The following CD300A variants were observed in gnomAD, a reference collection of about 807,000 sequenced individuals.
The protein encoded by CD300A is CMRF35-like molecule 8.
Under a neutral mutation model 33.6 loss-of-function variants are expected in CD300A, and 22 were observed. That is an observed-to-expected ratio of 0.66 (90% confidence interval 0.47 to 0.94). The LOEUF (loss-of-function observed/expected upper bound fraction) is 0.94, where lower values mean the gene tolerates loss of function less well. CD300A is among the 40% of genes least tolerant of loss of function. The pLI is 0.00. For missense variants in CD300A, 326 were observed against 360.5 expected (o/e 0.90, Z 0.77); for synonymous variants, 136 against 148.1 (o/e 0.92, Z 0.59).
chr17:74,466,601 A>G (rs1905719486), upstream of CD300A: 1 of 1,316,986 alleles, frequency 7.6e-7, no homozygotes, highest in East Asian at 2.5e-5. Context: ...GCAGCGCGGC[A>G]CCAAGAAAAG....
chr17:74,484,370 C>T lies in CD300A; in HGVS notation c.*244C>T, dbSNP rs571464033. 3.8e-5 allele frequency: 15 copies of T among 390,028 alleles called. No individual in the cohort carries two copies. In the South Asian group the frequency reaches 4.5e-4, roughly 12 times the overall value. 24.2% of individuals were successfully genotyped at this position (390,028 alleles called of 1,614,324 possible). A position where few individuals can be genotyped will look rare whatever the true frequency, so the allele number is the denominator to read the frequency against. On this transcript the variant is annotated 3_prime_UTR_variant, in exon 7 of 7. Coordinates refer to ENST00000360141, the MANE Select transcript of CD300A (RefSeq NM_007261.4). ...TCCCAGCCACCAGTGCCTGTCACCTCTTTCCCCTTTGCCCCTGCTTCATCC... is the reference window on the plus strand; with the variant it reads ...TCCCAGCCACCAGTGCCTGTCACCTTTTTCCCCTTTGCCCCTGCTTCATCC...
chr17:74,467,061 G>A lies in CD300A; in HGVS notation c.40+318G>A, dbSNP rs571580820. On this transcript the variant is annotated intron_variant, in intron 1 of 6. Coordinates refer to ENST00000360141, the MANE Select transcript of CD300A (RefSeq NM_007261.4). ...TTACAGGAAGGGGGACGAGAGGCAG[G>A]ATGTGTCAGGGTGGGTGGAGAGTGG... 44 of 1,180,960 alleles carry A rather than the reference G, an allele frequency of 3.7e-5. No homozygotes were observed. In the African/African-American group the frequency reaches 6.3e-4, roughly 17 times the overall value. 73.2% of individuals were successfully genotyped at this position (1,180,960 alleles called of 1,614,324 possible).
In CD300A at chr17:74,480,005, A is replaced by T. The variant is rs979766425; in HGVS notation, c.629-1284A>T. Among the ~76,000 whole-genome samples the T allele has an allele frequency of 2.0e-5, 3 of 152,006 alleles. No homozygotes were observed. Among genetic ancestry groups the T allele is most frequent in the African/African-American group, 4.8e-5 (2 of 41,394 alleles). ...AGCTTCCCCTACCGCTGGCTCCCCCAAACCTTCTCACTACCACCCTCCTTC... is the reference window on the plus strand; with the variant it reads ...AGCTTCCCCTACCGCTGGCTCCCCCTAACCTTCTCACTACCACCCTCCTTC... On this transcript the variant is annotated intron_variant, in intron 4 of 6. Coordinates refer to ENST00000360141, the MANE Select transcript of CD300A (RefSeq NM_007261.4). This position sits in a 1 kb window ranked among gnomAD's most constrained non-coding sequence, Gnocchi z 4.2.
At chr17:74,476,725 T>C (rs574214464) in intron 3 of CD300A, among the ~76,000 whole-genome samples, 93 of 152,318 alleles carry the variant, frequency 6.1e-4, no homozygotes, top group African/African-American at 2.2e-3. Flanking sequence ...GAAATGCCCA[T>C]TCAGTGGGAA....
intron 4 of CD300A, 36 bp from the exon 5 acceptor site, chr17:74,481,253 C>T (rs370615664): frequency 5.4e-5 from 87 of 1,610,592 alleles, no homozygotes; most frequent in Admixed American, 1.8e-4. Flanking sequence ...GCCATTGTTC[C>T]GGGATTCAAC....
At chr17:74,483,841 G>C (rs1598112591) in intron 6 of CD300A, among the ~76,000 whole-genome samples, 160 bp from the exon 7 acceptor site, 1 of 152,148 alleles carries the variant, frequency 6.6e-6, no homozygotes, top group African/African-American at 2.4e-5. Flanking sequence ...GGAGCAGCTG[G>C]GTGGACAGGA....
intron 1 of CD300A, among the ~76,000 whole-genome samples, chr17:74,468,185 C>T (rs534077811): frequency 5.9e-5 from 9 of 152,120 alleles, no homozygotes; most frequent in East Asian, 1.9e-4. Flanking sequence ...CAGGCATGTA[C>T]CACCATGCCT....
chr17:74,473,980 A>C (rs1906290017), intron 2 of CD300A, 106 bp downstream of exon 2: 1 of 1,209,624 alleles, frequency 8.3e-7, no homozygotes, highest in African/African-American at 1.5e-5. Flanking sequence ...GTGTGTGCGT[A>C]AGAGAGAGAG....
Position 74,484,343 on chromosome 17 carries a change from A to T in CD300A, c.*217A>T. On this transcript the variant is annotated 3_prime_UTR_variant, in exon 7 of 7. Transcript: ENST00000360141. ...GGGGCTCCGGAGAGCAGCAGGAAGC[A>T]CTCCCAGCCACCAGTGCCTGTCACC... is the stretch of plus-strand genomic sequence containing the variant. The T allele has an allele frequency of 2.3e-6, 1 of 437,810 alleles. No homozygotes were observed. Among genetic ancestry groups the T allele is most frequent in the South Asian group, 3.0e-5 (1 of 33,220 alleles). 27.1% of individuals were successfully genotyped at this position (437,810 alleles called of 1,614,324 possible). A position where few individuals can be genotyped will look rare whatever the true frequency, so the allele number is the denominator to read the frequency against.
intron 6 of CD300A, 33 bp from the exon 7 acceptor site, chr17:74,483,968 C>T (rs369631827): frequency 5.6e-6 from 9 of 1,610,626 alleles, no homozygotes; most frequent in Non-Finnish European, 7.6e-6. Flanking sequence ...CTTGCCTCTC[C>T]CAAGTCTTCA....
At position 74,470,194 on chromosome 17, in the gene CD300A, C is replaced by T. The variant is rs546560328; in HGVS notation, c.41-3342C>T. On this transcript the variant is annotated intron_variant, in intron 1 of 6. Coordinates refer to ENST00000360141, the MANE Select transcript of CD300A (RefSeq NM_007261.4). ...GTGATTCAGGTTGGAAGAGAGAAAGCGCAGAAACACAAGCCTGGGAGCACT... is the reference window on the plus strand; with the variant it reads ...GTGATTCAGGTTGGAAGAGAGAAAGTGCAGAAACACAAGCCTGGGAGCACT... The T allele has an allele frequency of 3.1e-4, 305 of 985,384 alleles. 2 individuals carry two copies. The highest frequency in any genetic ancestry group is 1.1e-4 in the East Asian group (1 of 8,818). The allele number at this position is 985,384 out of a possible 1,614,324, so 61.0% of individuals were successfully genotyped here.
intron 4 of CD300A, among the ~76,000 whole-genome samples, chr17:74,478,831 C>T (rs148913640): frequency 2.0e-3 from 309 of 152,288 alleles, no homozygotes; most frequent in African/African-American, 6.6e-3. Flanking sequence ...AGGCTTTTGG[C>T]GGAGAAATCA....
intron 2 of CD300A, among the ~76,000 whole-genome samples, 183 bp from the exon 3 acceptor site, chr17:74,474,349 G>A (rs1189085585): frequency 2.0e-5 from 3 of 152,158 alleles, no homozygotes; most frequent in Non-Finnish European, 2.9e-5. Context: ...AGTGGCACCC[G>A]TGTCCTGTTC....
chr17:74,483,868 G>A (rs986346300), intron 6 of CD300A, 133 bp from the exon 7 acceptor site: 1 of 956,832 alleles, frequency 1.0e-6, no homozygotes. Context: ...AGAAAAAGAG[G>A]CCAGGACAGT....
At chr17:74,469,864 C>T (rs1905979679) in intron 1 of CD300A, 2 of 678,940 alleles carry the variant, frequency 2.9e-6, no homozygotes, top group African/African-American at 4.0e-5. Context: ...TTACCCCTTA[C>T]AAAAAAATCC....
At chr17:74,481,886 C>A in intron 6 of CD300A, 53 bp downstream of exon 6, 2 of 1,387,434 alleles carry the variant, frequency 1.4e-6, no homozygotes, top group East Asian at 2.4e-5. Flanking sequence ...TGTGCCAGGG[C>A]ACCCCTGGGA....
intron 4 of CD300A, among the ~76,000 whole-genome samples, chr17:74,479,328 C>T (rs548991003): frequency 1.2e-4 from 19 of 152,222 alleles, no homozygotes; most frequent in African/African-American, 4.6e-4. Context: ...CCTCGACCCC[C>T]CACTGCCCGG....
intron 6 of CD300A, among the ~76,000 whole-genome samples, chr17:74,483,193 G>A (rs926255301): frequency 1.3e-5 from 2 of 152,132 alleles, no homozygotes; most frequent in African/African-American, 4.8e-5. Flanking sequence ...CTTGGTACAA[G>A]TTGGGACTCA....
At chr17:74,469,560 C>T (rs1294477324) in intron 1 of CD300A, among the ~76,000 whole-genome samples, 1 of 152,178 alleles carries the variant, frequency 6.6e-6, no homozygotes, top group Non-Finnish European at 1.5e-5. Context: ...CACGTTGGCT[C>T]ACGCCTGTAA....
Sources: allele counts gnomAD v4.1 joint callset (sites outside exome capture counted in the v4.1 genomes callset), GRCh38; gene constraint gnomAD v4.1.1; non-coding constraint Gnocchi (gnomAD v3.1); transcripts MANE v1.5; gene names NCBI Gene and HGNC (gene_info 2026-07-23, HGNC 2026-07-21).